Variants in SETBP1 observed in about 807,000 individuals in gnomAD.
The protein encoded by SETBP1 is SET binding protein 1.
In SETBP1, 9 loss-of-function variants were observed where a neutral mutation model predicts 101.0. The ratio of observed to expected loss-of-function variants is 0.09; its 90% CI spans 0.05 to 0.16. The LOEUF is 0.16. Ranked by LOEUF, SETBP1 falls within the 10% of genes least tolerant of loss-of-function variation. The pLI is 1.00. For missense variants in SETBP1, 1,858 were observed against 2,033.8 expected, an observed-to-expected ratio of 0.91 and a Z score of 1.66; for synonymous variants, 818 against 788.5, an observed-to-expected ratio of 1.04 and a Z score of -0.63.
intron 5 of SETBP1, among the ~76,000 whole-genome samples, chr18:45,056,616 G>A (rs748671003): frequency 1.7e-4 from 26 of 152,240 alleles, no homozygotes; most frequent in Non-Finnish European, 3.5e-4. Context: ...ATTTAGAGAG[G>A]CAGAGAGGAG....
intron 2 of SETBP1, among the ~76,000 whole-genome samples, chr18:44,848,747 C>T (rs1186647300): frequency 3.3e-5 from 5 of 152,192 alleles, no homozygotes; most frequent in African/African-American, 4.8e-5. Flanking sequence ...CATTGTCATT[C>T]GGAAGCCTCC....
rs2073448500 is a variant in SETBP1 at position 45,038,638 on chromosome 18, C to T, written c.4154C>T (p.Ala1385Val). Reference protein sequence around the residue: ...APVLSLLAASAATSDAVGSSL... With the variant: ...APVLSLLAASVATSDAVGSSL... ...GTGTTATCTCTCCTTGCTGCATCTG[C>T]AGCAACGTCGGATGCAGGTGAGCAC... The change falls in exon 5 of 6, where the codon GCA becomes GTA. Residue 1385 changes from alanine (A) to valine (V), a missense_variant. Around this residue, in one of 12 missense-constraint regions of SETBP1, gnomAD observed 417 missense variants for 389.1 expected, o/e 1.07. Transcript: ENST00000649279. 6.2e-7 allele frequency: 1 copy of T among 1,614,168 alleles called. No individual in the cohort carries two copies. Among genetic ancestry groups the T allele is most frequent in the African/African-American group, 1.3e-5 (1 of 75,046 alleles).
intron 2 of SETBP1, among the ~76,000 whole-genome samples, chr18:44,776,368 G>T (rs985547311): frequency 1.3e-4 from 19 of 151,808 alleles, no homozygotes; most frequent in Non-Finnish European, 5.9e-5. Flanking sequence ...AGGCTAGATT[G>T]TTTTTTTTCT....
intron 5 of SETBP1, among the ~76,000 whole-genome samples, chr18:45,043,268 A>G (rs1039442879): frequency 2.6e-5 from 4 of 152,198 alleles, no homozygotes; most frequent in Non-Finnish European, 4.4e-5. Flanking sequence ...AGAACTCAGA[A>G]AAACATCAAG....
At chr18:44,955,219 A>G (rs995198269) in intron 4 of SETBP1, among the ~76,000 whole-genome samples, 1 of 152,074 alleles carries the variant, frequency 6.6e-6, no homozygotes, top group Non-Finnish European at 1.5e-5. Flanking sequence ...CTCTAGTTAT[A>G]TTGCTTTTCA....
chr18:44,753,350 T>G (rs2070428071), intron 2 of SETBP1, among the ~76,000 whole-genome samples: 1 of 152,184 alleles, frequency 6.6e-6, no homozygotes, highest in Non-Finnish European at 1.5e-5. Flanking sequence ...ATGAGAATAC[T>G]CCTTCATCCA....
intron 2 of SETBP1, among the ~76,000 whole-genome samples, chr18:44,782,391 T>C (rs1363113951): frequency 6.6e-6 from 1 of 152,180 alleles, no homozygotes; most frequent in Non-Finnish European, 1.5e-5. Flanking sequence ...TATAGACTTT[T>C]GATTCTAATA....
In SETBP1 at chr18:44,950,391, G is replaced by T. The variant is rs370610721; in HGVS notation, c.1051G>T (p.Asp351Tyr). ...GATAAGTCAGACCATACCAAACCCAGACCTGGATTGGGTCAAGAATGCCCA... is the reference window on the plus strand; with the variant it reads ...GATAAGTCAGACCATACCAAACCCATACCTGGATTGGGTCAAGAATGCCCA... ...DVISQTIPNP[D>Y]LDWVKNAQKA... Residue 351 changes from aspartate to tyrosine, a missense_variant, in exon 4 of 6, where the codon GAC (aspartate) becomes TAC (tyrosine). By Grantham distance (160) the Asp-to-Tyr change is radical. Coordinates refer to ENST00000649279, the MANE Select transcript of SETBP1 (RefSeq NM_015559.3). 5.0e-6 allele frequency: 8 copies of T among 1,613,986 alleles called. No homozygotes were observed. Among genetic ancestry groups the T allele is most frequent in the Admixed American group, 1.7e-5 (1 of 60,014 alleles).
chr18:44,899,849 T>A (rs2069999655), intron 3 of SETBP1, among the ~76,000 whole-genome samples: 1 of 152,134 alleles, frequency 6.6e-6, no homozygotes, highest in Admixed American at 6.6e-5. Flanking sequence ...GTATAAGATA[T>A]TTAATAAATA....
At chr18:44,769,622 T>C (rs1204102026) in intron 2 of SETBP1, among the ~76,000 whole-genome samples, 1 of 152,242 alleles carries the variant, frequency 6.6e-6, no homozygotes, top group Non-Finnish European at 1.5e-5. Flanking sequence ...TGTATCTACT[T>C]GTTGAGAATG....
At chr18:45,034,978 G>A (rs1049161873) in intron 4 of SETBP1, among the ~76,000 whole-genome samples, 1 of 150,362 alleles carries the variant, frequency 6.7e-6, no homozygotes, top group African/African-American at 2.5e-5. Flanking sequence ...GTTCATGCTG[G>A]GAAGAAACGT....
chr18:44,903,690 A>C (rs1257973308), intron 3 of SETBP1, among the ~76,000 whole-genome samples: 2 of 152,210 alleles, frequency 1.3e-5, no homozygotes, highest in African/African-American at 4.8e-5. Context: ...AGCTTCTTGC[A>C]AGTATCTTCA....
intron 2 of SETBP1, among the ~76,000 whole-genome samples, chr18:44,811,374 G>A (rs536827967): frequency 7.9e-5 from 12 of 152,296 alleles, no homozygotes; most frequent in East Asian, 1.9e-4. Flanking sequence ...TACACACATC[G>A]TTTGTCATGT....
chr18:44,935,600 G>C (rs2070939847), intron 3 of SETBP1, among the ~76,000 whole-genome samples: 2 of 152,186 alleles, frequency 1.3e-5, no homozygotes, highest in African/African-American at 4.8e-5. Flanking sequence ...GGCCAAACTT[G>C]GCTGAAGTAA....
rs183347184 is a variant in SETBP1, at chr18:44,807,277, G to C, written c.487-61953G>C. On this transcript the variant is annotated intron_variant, in intron 2 of 5. Transcript: ENST00000649279. ...TTTGCACTGTAGATCTAAAGTTTAC[G>C]GCCACTGATTTCATTTTTCCATCTT... Among the ~76,000 whole-genome samples the C allele has an allele frequency of 5.7e-3, 866 of 151,868 alleles. 11 individuals are homozygous for C. The highest frequency in any genetic ancestry group is 0.02 in the African/African-American group (819 of 41,432).
chr18:44,870,037 C>T (rs765834349), intron 3 of SETBP1: 6 of 153,890 alleles, frequency 3.9e-5, no homozygotes, highest in Non-Finnish European at 8.7e-5. Context: ...GGACTTGGCC[C>T]CTGCCGCTGT....
intron 2 of SETBP1, among the ~76,000 whole-genome samples, chr18:44,831,252 A>G (rs181935532): frequency 6.6e-6 from 1 of 152,300 alleles, no homozygotes. Context: ...ATTATTTTAG[A>G]CATAATACTT....
chr18:44,767,233 C>T (rs186099172), intron 2 of SETBP1, among the ~76,000 whole-genome samples: 56 of 152,326 alleles, frequency 3.7e-4, no homozygotes, highest in African/African-American at 1.3e-3. Flanking sequence ...GGCCATTGTC[C>T]TCCTTCCCAA....
At chr18:44,938,185 C>T (rs2071005981) in intron 3 of SETBP1, among the ~76,000 whole-genome samples, 2 of 152,144 alleles carry the variant, frequency 1.3e-5, no homozygotes, top group African/African-American at 2.4e-5. Context: ...GCTGTCTGGC[C>T]CCACAACCCT....
Sources: allele counts gnomAD v4.1 joint callset (sites outside exome capture counted in the v4.1 genomes callset), GRCh38; gene constraint gnomAD v4.1.1; regional missense constraint gnomAD v4.1.1; transcripts MANE v1.5; gene names NCBI Gene and HGNC (gene_info 2026-07-23, HGNC 2026-07-21).